Variants in WDR70 observed in about 807,000 individuals in gnomAD.
The protein encoded by WDR70 is WD repeat-containing protein 70.
A neutral mutation model predicts 88.6 loss-of-function variants in WDR70; 53 were observed. That is an observed-to-expected ratio of 0.60 (90% CI 0.48 to 0.75). WDR70 has a LOEUF of 0.75. Among genes scored for constraint, WDR70 ranks in the 30% least tolerant of loss-of-function variants. The pLI, the probability that WDR70 is intolerant of heterozygous loss-of-function variation, is 0.00. For missense variants in WDR70, 610 were observed against 823.2 expected (o/e 0.74, Z 3.17); for synonymous variants, 280 against 270.0 (o/e 1.04, Z -0.36).
intron 10 of WDR70, among the ~76,000 whole-genome samples, chr5:37,676,552 A>T (rs35302291): frequency 6.6e-6 from 1 of 151,688 alleles, no homozygotes; most frequent in African/African-American, 2.4e-5. Context: ...ATTTGCGTAT[A>T]TTGAACCAGC....
rs143882825 is a variant in WDR70 at position 37,512,142 on chromosome 5, G to A, written c.841-4372G>A. Among the ~76,000 whole-genome samples the A allele has an allele frequency of 3.9e-4, 59 of 152,104 alleles. No homozygotes were observed. In the East Asian group the frequency reaches 0.011, roughly 27 times the overall value. On this transcript the variant is annotated intron_variant, in intron 8 of 17. Coordinates refer to ENST00000265107, the MANE Select transcript of WDR70 (RefSeq NM_018034.4). The stretch of plus-strand genomic sequence containing the variant: ...TGACTCGGGGTATTCCTTGGCTTGT[G>A]GCTATATAACTCCATTCTCTGCCTC...
At chr5:37,395,186 G>A (rs549457844) in intron 4 of WDR70, among the ~76,000 whole-genome samples, 1 of 152,286 alleles carries the variant, frequency 6.6e-6, no homozygotes, top group East Asian at 1.9e-4. Context: ...CTGGCGGCAG[G>A]TGGAGGGGTG....
chr5:37,748,335 C>T (rs983664324), intron 17 of WDR70, among the ~76,000 whole-genome samples: 3 of 152,168 alleles, frequency 2.0e-5, no homozygotes, highest in Non-Finnish European at 4.4e-5. Context: ...TGATCTTCGA[C>T]AAACCTGACA....
intron 10 of WDR70, among the ~76,000 whole-genome samples, chr5:37,613,009 A>G (rs1252336508): frequency 5.9e-5 from 9 of 152,200 alleles, no homozygotes; most frequent in African/African-American, 1.9e-4. Context: ...TAATTTGTCA[A>G]TTATTTTCAT....
intron 17 of WDR70, among the ~76,000 whole-genome samples, chr5:37,747,582 A>T (rs1399858472): frequency 2.0e-5 from 3 of 152,214 alleles, no homozygotes; most frequent in Non-Finnish European, 4.4e-5. Context: ...TCCCTTTGAA[A>T]ACTGATACAA....
At chr5:37,601,760 C>T (rs1743890575) in intron 9 of WDR70, among the ~76,000 whole-genome samples, 1 of 152,088 alleles carries the variant, frequency 6.6e-6, no homozygotes, top group Non-Finnish European at 1.5e-5. Context: ...ATGAAAAAGA[C>T]ACATGCACAC....
Position 37,547,503 on chromosome 5 carries a change from T to C in WDR70, c.917+30913T>C, listed in dbSNP as rs551124447. Reference sequence around the variant, plus strand: ...TTTTTATTTTTAAAGTTTATTTTATTTTTTGTGGGTACATAGTAAGTGTAT... The same window carrying C: ...TTTTTATTTTTAAAGTTTATTTTATCTTTTGTGGGTACATAGTAAGTGTAT... On this transcript the variant is annotated intron_variant, in intron 9 of 17. Transcript: ENST00000265107. 5.3e-5 allele frequency among the ~76,000 whole-genome samples: 8 copies of C among 152,286 alleles called. No individual in the cohort carries two copies. The South Asian group carries it at 1.7e-3, about 32-fold the overall frequency.
intron 10 of WDR70, among the ~76,000 whole-genome samples, chr5:37,689,793 G>C (rs888984374): frequency 6.6e-6 from 1 of 152,234 alleles, no homozygotes; most frequent in African/African-American, 2.4e-5. Flanking sequence ...AAAAACCAGA[G>C]TGCCTCTTCT....
chr5:37,505,849 T>C (rs1480624124), intron 8 of WDR70: 9 of 1,365,940 alleles, frequency 6.6e-6, no homozygotes, highest in African/African-American at 1.4e-5. Flanking sequence ...AGGTTACAAT[T>C]CTTCAACTTT....
At chr5:37,401,230 A>G (rs1481690043) in intron 5 of WDR70, among the ~76,000 whole-genome samples, 1 of 137,138 alleles carries the variant, frequency 7.3e-6, no homozygotes, top group Non-Finnish European at 1.5e-5. Context: ...AGCTCGTCTC[A>G]AACTCCTGGG....
chr5:37,495,591 T>A (rs1413478700), intron 8 of WDR70, among the ~76,000 whole-genome samples: 1 of 152,206 alleles, frequency 6.6e-6, no homozygotes, highest in African/African-American at 2.4e-5. Context: ...GCTTAATTCT[T>A]TCTTCTAGGC....
intron 9 of WDR70, among the ~76,000 whole-genome samples, chr5:37,557,025 A>C (rs1016568454): frequency 6.6e-6 from 1 of 152,188 alleles, no homozygotes; most frequent in Non-Finnish European, 1.5e-5. Flanking sequence ...CCTTTTAAAA[A>C]TGCAATTGTA....
intron 10 of WDR70, among the ~76,000 whole-genome samples, chr5:37,636,169 G>A (rs771453195): frequency 1.3e-5 from 2 of 152,172 alleles, no homozygotes; most frequent in Non-Finnish European, 2.9e-5. Flanking sequence ...AACAATGGGG[G>A]CATGTCAGAA....
chr5:37,638,323 A>G (rs911137681), intron 10 of WDR70, among the ~76,000 whole-genome samples: 1 of 152,230 alleles, frequency 6.6e-6, no homozygotes, highest in Non-Finnish European at 1.5e-5. Flanking sequence ...AAGTCATTAT[A>G]GTACAGTGGT....
At chr5:37,477,936 G>T (rs1561867485) in intron 7 of WDR70, among the ~76,000 whole-genome samples, 1 of 152,122 alleles carries the variant, frequency 6.6e-6, no homozygotes, top group Admixed American at 6.5e-5. Flanking sequence ...GACTCTAAAG[G>T]CTGGAAAATT....
intron 8 of WDR70, among the ~76,000 whole-genome samples, chr5:37,481,237 C>A (rs1351161928): frequency 6.6e-6 from 1 of 152,152 alleles, no homozygotes; most frequent in Non-Finnish European, 1.5e-5. Context: ...TTTCTCACAG[C>A]TCTGCTTGGC....
At chr5:37,740,531 G>A (rs1479206150) in intron 17 of WDR70, among the ~76,000 whole-genome samples, 3 of 152,116 alleles carry the variant, frequency 2.0e-5, no homozygotes, top group Non-Finnish European at 4.4e-5. Flanking sequence ...TCTTATTAAA[G>A]GTTCTGAATT....
chr5:37,679,489 A>T (rs1465712188), intron 10 of WDR70, among the ~76,000 whole-genome samples: 1 of 152,190 alleles, frequency 6.6e-6, no homozygotes, highest in Admixed American at 6.5e-5. Flanking sequence ...AGTTTGCTAG[A>T]GGTCCACACC....
chr5:37,667,642 T>A (rs974399561), intron 10 of WDR70, among the ~76,000 whole-genome samples: 10 of 152,288 alleles, frequency 6.6e-5, no homozygotes, highest in African/African-American at 2.4e-4. Flanking sequence ...CTTATCCATT[T>A]GTTTATGTAT....
Sources: allele counts gnomAD v4.1 joint callset (sites outside exome capture counted in the v4.1 genomes callset), GRCh38; gene constraint gnomAD v4.1.1; transcripts MANE v1.5; gene names NCBI Gene and HGNC (gene_info 2026-07-23, HGNC 2026-07-21).